MMP24: variants seen among roughly 807,000 people sequenced by gnomAD.
MMP24 encodes the protein matrix metalloproteinase-24.
MMP24 carries 25 observed loss-of-function variants against 62.8 expected under a neutral mutation model. The observed-to-expected ratio is 0.40, with a 90% CI of 0.29 to 0.56. The LOEUF is 0.56. Among genes scored for constraint, MMP24 ranks in the 20% least tolerant of loss-of-function variants. The probability of loss-of-function intolerance (pLI) is 0.50; values close to 1 mark genes in which losing one functional copy is unlikely to be tolerated. For missense variants in MMP24, 634 were observed against 853.6 expected, an observed-to-expected ratio of 0.74 and a Z score of 3.21; for synonymous variants, 319 against 350.5, an observed-to-expected ratio of 0.91 and a Z score of 1.00.
intron 8 of MMP24, 180 bp downstream of exon 8, chr20:35,272,015 G>C: frequency 1.4e-6 from 1 of 697,208 alleles, no homozygotes; most frequent in Non-Finnish European, 2.3e-6. Flanking sequence ...CAGCTGCCAA[G>C]TCACACTTTT....
Position 35,258,950 on chromosome 20 carries a change from G to C in MMP24, c.817+4196G>C, listed in dbSNP as rs541802484. 1.6e-3 allele frequency among the ~76,000 whole-genome samples: 237 copies of C among 152,264 alleles called. 2 individuals carry two copies. Among genetic ancestry groups the C allele is most frequent in the Non-Finnish European group, 3.0e-3 (205 of 68,016 alleles). On this transcript the variant is annotated intron_variant, in intron 4 of 8. Transcript: ENST00000246186. ...ATCCCAGCACTTTGGGAGGCCGAGG[G>C]GGGGCAGATCACCTGAGGTCAGGAG...
intron 2 of MMP24, among the ~76,000 whole-genome samples, chr20:35,247,980 T>C (rs912850703): frequency 6.6e-6 from 1 of 151,648 alleles, no homozygotes; most frequent in African/African-American, 2.4e-5. Context: ...TAGGAGAGAG[T>C]TGAACAGCCT....
chr20:35,253,791 C>G (rs2060560941), intron 3 of MMP24, among the ~76,000 whole-genome samples: 1 of 151,112 alleles, frequency 6.6e-6, no homozygotes, highest in Non-Finnish European at 1.5e-5. Context: ...ATTTTTATAA[C>G]TTTTATAAAT....
intron 7 of MMP24, among the ~76,000 whole-genome samples, 183 bp downstream of exon 7, chr20:35,270,081 A>G (rs2060660528): frequency 6.6e-6 from 1 of 152,146 alleles, no homozygotes; most frequent in African/African-American, 2.4e-5. Context: ...GTATGTGCCG[A>G]GATTGGTGGG....
rs569393637 is a variant in MMP24, at chr20:35,271,440, C to T, written c.1334-129C>T. 3.0e-5 allele frequency: 37 copies of T among 1,214,094 alleles called. No individual in the cohort carries two copies. In the African/African-American group the frequency reaches 3.1e-4, roughly 10 times the overall value. 75.2% of individuals were successfully genotyped at this position (1,214,094 alleles called of 1,614,324 possible). ...AGGATCTGTGACTGGCCTCAGGCTT[C>T]GTGCCCTTCCCAACTCTAACTGGGC... On this transcript the variant is annotated intron_variant, in intron 7 of 8. Transcript: ENST00000246186. The surrounding 1 kb of genome is among the most constrained non-coding windows in gnomAD (Gnocchi z 4.0).
At chr20:35,261,653 C>T (rs2060603361) in intron 4 of MMP24, among the ~76,000 whole-genome samples, 1 of 152,158 alleles carries the variant, frequency 6.6e-6, no homozygotes. Context: ...CCAACAGTTC[C>T]CTGCTTCCAC....
At chr20:35,230,902 A>C (rs1600769572) in intron 1 of MMP24, among the ~76,000 whole-genome samples, 1 of 152,092 alleles carries the variant, frequency 6.6e-6, no homozygotes, top group African/African-American at 2.4e-5. Context: ...CAAGCCAAAA[A>C]ATTTTTTTAT....
intron 1 of MMP24, among the ~76,000 whole-genome samples, chr20:35,245,729 G>A (rs545601165): frequency 4.1e-4 from 62 of 150,980 alleles, no homozygotes; most frequent in African/African-American, 1.3e-3. Context: ...GATTTTAGGC[G>A]CGAACCACCA....
chr20:35,229,399 G>A (rs961309828), intron 1 of MMP24, among the ~76,000 whole-genome samples: 2 of 152,154 alleles, frequency 1.3e-5, no homozygotes, highest in Non-Finnish European at 2.9e-5. Flanking sequence ...TTCATTCACG[G>A]AAGTGACCAT....
At chr20:35,254,869 GA>G in intron 4 of MMP24, 115 bp downstream of exon 4, 2 of 1,184,518 alleles carry the variant, frequency 1.7e-6, no homozygotes. Flanking sequence ...CAAGAACTAA[GA>G]CCGTAAGAGG....
Position 35,269,886 on chromosome 20 carries a change from G to T in MMP24, c.1321G>T (p.Val441Phe), listed in dbSNP as rs1291568849. Residue 441 changes from valine to phenylalanine, a missense_variant, in exon 7 of 9, where the codon GTC becomes TTC. Around this residue, in one of 3 missense-constraint regions of MMP24, gnomAD observed 399 missense variants for 530.8 expected, o/e 0.75. Transcript: ENST00000246186. The surrounding 1 kb of genome is among the most constrained non-coding windows in gnomAD (Gnocchi z 4.6). ...CTATGAAAGGGCCGATGGGAGATTT[G>T]TCTTCTTCAAAGGTAATGTAGACTG... is the stretch of plus-strand genomic sequence containing the variant. ...AAYERADGRF[V>F]FFKGDKYWVF... 1 of 1,551,964 alleles carries T rather than the reference G, an allele frequency of 6.4e-7. No individual in the cohort carries two copies. Among genetic ancestry groups the T allele is most frequent in the Non-Finnish European group, 8.7e-7 (1 of 1,147,094 alleles).
intron 1 of MMP24, among the ~76,000 whole-genome samples, chr20:35,232,420 T>C (rs968538202): frequency 1.3e-5 from 2 of 152,154 alleles, no homozygotes; most frequent in Non-Finnish European, 2.9e-5. Flanking sequence ...ATCAACTTCT[T>C]TGAATAGTGC....
chr20:35,234,648 A>T (rs543927388), intron 1 of MMP24, among the ~76,000 whole-genome samples: 195 of 152,076 alleles, frequency 1.3e-3, no homozygotes, highest in Non-Finnish European at 2.5e-3. Context: ...CAGAGGCAGG[A>T]CTCTGCAGGA....
intron 7 of MMP24, among the ~76,000 whole-genome samples, chr20:35,270,569 G>A (rs183317122): frequency 2.8e-4 from 43 of 152,326 alleles, no homozygotes; most frequent in African/African-American, 1.0e-3. Context: ...GGAAATTCAT[G>A]GAATGTTTCC....
rs1053895177 is a variant in MMP24, at chr20:35,271,257, A to G, written c.1334-312A>G. Among the ~76,000 whole-genome samples, 5 of 152,044 alleles carry G rather than the reference A, an allele frequency of 3.3e-5. No individual in the cohort carries two copies. Among genetic ancestry groups the G allele is most frequent in the African/African-American group, 4.8e-5 (2 of 41,394 alleles). On this transcript the variant is annotated intron_variant, in intron 7 of 8. Transcript: ENST00000246186. This position sits in a 1 kb window ranked among gnomAD's most constrained non-coding sequence, Gnocchi z 4.0. ...CTCTGCTGCTCAGGTCCAGTGGGAG[A>G]GCCTCAGAGTCGGGTGTCACTGGTA...
Position 35,271,707 on chromosome 20 carries a change from T to C in MMP24, c.1472T>C (p.Phe491Ser). 1 of 1,607,236 alleles carries C rather than the reference T, an allele frequency of 6.2e-7. No individual in the cohort carries two copies. The highest frequency in any genetic ancestry group is 8.5e-7 in the Non-Finnish European group (1 of 1,177,116). Residue 491 changes from phenylalanine (F) to serine (S), a missense_variant, in exon 8 of 9, where the codon TTC becomes TCC. By Grantham distance (155) the Phe-to-Ser change is radical. Transcript: ENST00000246186. This position sits in a 1 kb window ranked among gnomAD's most constrained non-coding sequence, Gnocchi z 4.0. The stretch of plus-strand genomic sequence containing the variant: ...GAACCTGTGGGCAAGACCTACTTTT[T>C]CAAAGGCGAGCGGTACTGGCGCTAC... The part of the protein sequence containing the change: ...RWEPVGKTYF[F>S]KGERYWRYSE...
At chr20:35,245,926 C>A (rs6119593) in intron 1 of MMP24, among the ~76,000 whole-genome samples, 25,519 of 151,790 alleles carry the variant, frequency 0.17, 2,389 homozygotes, top group African/African-American at 0.25. Context: ...TTTATATATG[C>A]CTTTCTAGAT....
rs1383077072 is a variant in MMP24 at position 35,227,023 on chromosome 20, C to A, written c.246+39C>A. On this transcript the variant is annotated intron_variant, in intron 1 of 8. Coordinates refer to ENST00000246186, the MANE Select transcript of MMP24 (RefSeq NM_006690.4). The stretch of plus-strand genomic sequence containing the variant: ...GCGGGGCCGGGGCGCGGGCTCGGGG[C>A]ATCCGGGCAGGGCGGGGGGCGGCAC... 230 of 977,098 alleles carry A rather than the reference C, an allele frequency of 2.4e-4. 1 individual carries two copies. The highest frequency in any genetic ancestry group is 2.7e-4 in the Non-Finnish European group (226 of 825,070). The allele number at this position is 977,098 out of a possible 1,614,324, so 60.5% of individuals were successfully genotyped here. A position where few individuals can be genotyped will look rare whatever the true frequency, so the allele number is the denominator to read the frequency against.
intron 4 of MMP24, chr20:35,256,197 AATT>A (rs2060573631): frequency 6.6e-6 from 1 of 152,210 alleles, no homozygotes; most frequent in Non-Finnish European, 1.5e-5. Context: ...TATAATGTTA[AATT>A]ATTATTATAG....
Sources: allele counts gnomAD v4.1 joint callset (sites outside exome capture counted in the v4.1 genomes callset), GRCh38; gene constraint gnomAD v4.1.1; regional missense constraint gnomAD v4.1.1; non-coding constraint Gnocchi (gnomAD v3.1); transcripts MANE v1.5; gene names NCBI Gene and HGNC (gene_info 2026-07-23, HGNC 2026-07-21).